The following MKLN1 variants were observed in gnomAD, a reference collection of about 807,000 sequenced individuals.
MKLN1 encodes muskelin.
Under a neutral mutation model 99.0 loss-of-function variants are expected in MKLN1, and 18 were observed. That is an observed-to-expected ratio of 0.18 (90% confidence interval 0.13 to 0.27). The LOEUF (loss-of-function observed/expected upper bound fraction) is 0.27, where lower values mean the gene tolerates loss of function less well. MKLN1 is among the 10% of genes least tolerant of loss of function. MKLN1 has a pLI of 1.00. For missense variants in MKLN1, 621 were observed against 875.9 expected (o/e 0.71, Z 3.67); for synonymous variants, 288 against 293.2 (o/e 0.98, Z 0.18).
At chr7:131,413,016 A>G (rs893629098) in intron 7 of MKLN1, among the ~76,000 whole-genome samples, 1 of 152,212 alleles carries the variant, frequency 6.6e-6, no homozygotes, top group African/African-American at 2.4e-5. Context: ...TGTATTTGCA[A>G]ACTAATGGAT....
chr7:131,460,085 A>G (rs1346529618), intron 12 of MKLN1, among the ~76,000 whole-genome samples: 1 of 152,078 alleles, frequency 6.6e-6, no homozygotes, highest in East Asian at 1.9e-4. Flanking sequence ...GTATCTTTTC[A>G]TAGTCCCTGC....
At chr7:131,269,356 T>C (rs1402645607) in intron 3 of MKLN1, among the ~76,000 whole-genome samples, 1 of 152,176 alleles carries the variant, frequency 6.6e-6, no homozygotes. Context: ...TGCCTTCTAG[T>C]TCATAGAGGG....
intron 17 of MKLN1, among the ~76,000 whole-genome samples, chr7:131,481,200 T>C (rs1429128489): frequency 1.3e-5 from 2 of 152,212 alleles, no homozygotes; most frequent in East Asian, 3.8e-4. Flanking sequence ...GAGATGGTGG[T>C]TGAGAGTCAG....
chr7:131,383,999 C>T (rs1793929849), intron 2 of MKLN1, among the ~76,000 whole-genome samples: 2 of 152,108 alleles, frequency 1.3e-5, no homozygotes, highest in African/African-American at 4.8e-5. Context: ...TTAATAGATC[C>T]CATTGAATTT....
chr7:131,353,790 G>T (rs1799788319), intron 1 of MKLN1, among the ~76,000 whole-genome samples: 1 of 147,642 alleles, frequency 6.8e-6, no homozygotes. Flanking sequence ...TTTTTTTAAT[G>T]AAGTATGAGT....
chr7:131,275,563 ATATATTT>A (rs1302463944), intron 3 of MKLN1, among the ~76,000 whole-genome samples: 6 of 9,042 alleles, frequency 6.6e-4, no homozygotes, highest in East Asian at 5.1e-3. Context: ...ATATATATAT[ATATATTT>A]TTTTTTTTTT....
intron 2 of MKLN1, among the ~76,000 whole-genome samples, chr7:131,176,680 G>T (rs1188097921): frequency 6.6e-6 from 1 of 152,238 alleles, no homozygotes; most frequent in Non-Finnish European, 1.5e-5. Context: ...GCGAGTCGTT[G>T]TCTGAAATGA....
intron 3 of MKLN1, among the ~76,000 whole-genome samples, chr7:131,207,730 C>T (rs1796840266): frequency 6.6e-6 from 1 of 152,040 alleles, no homozygotes; most frequent in Non-Finnish European, 1.5e-5. Context: ...CAGAGGGTCA[C>T]CTTGGGATTG....
chr7:131,267,006 C>G (rs539635645), intron 3 of MKLN1, among the ~76,000 whole-genome samples: 2 of 152,070 alleles, frequency 1.3e-5, no homozygotes, highest in African/African-American at 4.8e-5. Flanking sequence ...GTCAACCTCT[C>G]TCATCTCAGC....
chr7:131,350,996 T>C (rs1799704081), intron 1 of MKLN1, among the ~76,000 whole-genome samples: 1 of 152,236 alleles, frequency 6.6e-6, no homozygotes, highest in Non-Finnish European at 1.5e-5. Flanking sequence ...TTTTCAGTTT[T>C]CTAAAAAATG....
chr7:131,159,282 T>C (rs543544312), intron 2 of MKLN1, among the ~76,000 whole-genome samples: 1 of 152,276 alleles, frequency 6.6e-6, no homozygotes, highest in East Asian at 1.9e-4. Flanking sequence ...TTATGAAATA[T>C]CTATCACACA....
At position 131,282,841 on chromosome 7, in the gene MKLN1, G is replaced by A. The variant is rs543848828; in HGVS notation, c.-179+79867G>A. On this transcript the variant is annotated intron_variant, in intron 3 of 7. Coordinates refer to the MKLN1 transcript ENST00000416992. ...TTGTATCATATTCTCAGATGGTGGG[G>A]CATGGACAACTGCATTAAAAGTTTT... Among the ~76,000 whole-genome samples, 10 of 152,152 alleles carry A rather than the reference G, an allele frequency of 6.6e-5. 1 individual carries two copies. Among genetic ancestry groups the A allele is most frequent in the South Asian group, 4.1e-4 (2 of 4,820 alleles).
chr7:131,239,230 A>G (rs1797366658), intron 3 of MKLN1, among the ~76,000 whole-genome samples: 1 of 152,200 alleles, frequency 6.6e-6, no homozygotes, highest in Non-Finnish European at 1.5e-5. Context: ...GTGGTGTACA[A>G]TATGATGTTT....
intron 3 of MKLN1, among the ~76,000 whole-genome samples, chr7:131,276,617 G>T (rs543731005): frequency 6.6e-6 from 1 of 152,250 alleles, no homozygotes; most frequent in East Asian, 1.9e-4. Context: ...GATAATAGTG[G>T]CTGCATCAGT....
intron 12 of MKLN1, among the ~76,000 whole-genome samples, chr7:131,455,822 A>G (rs187653565): frequency 0.02 from 3,054 of 152,230 alleles, 84 homozygotes; most frequent in African/African-American, 0.067. Flanking sequence ...GAGGCAGGCG[A>G]ATCACCTGAG....
chr7:131,127,479 C>T (rs2116215884), intron 1 of MKLN1, among the ~76,000 whole-genome samples: 1 of 152,222 alleles, frequency 6.6e-6, no homozygotes, highest in Middle Eastern at 3.4e-3. Flanking sequence ...GTAGAGAGAG[C>T]CCATTGCCGG....
At chr7:131,249,638 T>C (rs2116512360) in intron 3 of MKLN1, among the ~76,000 whole-genome samples, 1 of 152,124 alleles carries the variant, frequency 6.6e-6, no homozygotes, top group South Asian at 2.1e-4. Context: ...TTACCTCAAA[T>C]TGGAGAGTCA....
rs543440656 is a variant in MKLN1 at position 131,433,292 on chromosome 7, A to G, written c.960+4147A>G. ...TTTCTTAGGATTGGATTTAGATGAC[A>G]TATTTTTAGCAAGAATAACCCATAG... is the stretch of plus-strand genomic sequence containing the variant. On this transcript the variant is annotated intron_variant, in intron 9 of 17. Coordinates refer to ENST00000352689, the MANE Select transcript of MKLN1 (RefSeq NM_013255.5). Among the ~76,000 whole-genome samples the G allele has an allele frequency of 9.2e-5, 14 of 152,292 alleles. 1 individual carries two copies. In the East Asian group the frequency reaches 2.5e-3, roughly 27 times the overall value.
chr7:131,212,196 C>G (rs546395401), intron 3 of MKLN1, among the ~76,000 whole-genome samples: 3 of 152,330 alleles, frequency 2.0e-5, no homozygotes, highest in Non-Finnish European at 4.4e-5. Flanking sequence ...TTCCTCTTCT[C>G]TCAACTTCTC....
Sources: allele counts gnomAD v4.1 joint callset (sites outside exome capture counted in the v4.1 genomes callset), GRCh38; gene constraint gnomAD v4.1.1; transcripts MANE v1.5; gene names NCBI Gene and HGNC (gene_info 2026-07-23, HGNC 2026-07-21).